The following ZNF217 variants were observed in gnomAD, a reference collection of about 807,000 sequenced individuals.
The protein encoded by ZNF217 is zinc finger protein 217.
ZNF217 carries 12 observed loss-of-function variants against 73.3 expected under a neutral mutation model. The ratio of observed to expected loss-of-function variants is 0.16; its 90% CI spans 0.10 to 0.27. The LOEUF (loss-of-function observed/expected upper bound fraction) is 0.27. Ranked by LOEUF, ZNF217 falls within the 10% of genes least tolerant of loss-of-function variation. The probability of loss-of-function intolerance (pLI) is 1.00; values close to 1 mark genes in which losing one functional copy is unlikely to be tolerated. For synonymous variants in ZNF217, 588 were observed against 516.4 expected (o/e 1.14, Z -1.88); for missense variants, 1,195 against 1,327.8 (o/e 0.90, Z 1.55).
intron 1 of ZNF217, among the ~76,000 whole-genome samples, chr20:53,592,950 C>T (rs1166356542): frequency 6.6e-6 from 1 of 151,960 alleles, no homozygotes; most frequent in East Asian, 1.9e-4. Context: ...TTTGGGTGTT[C>T]CACTAGAATT....
Position 53,582,220 on chromosome 20 carries a change from C to T in ZNF217, c.607G>A (p.Val203Ile), listed in dbSNP as rs1464223260. The change falls in exon 2 of 6, where the codon GTC (valine) becomes ATC (isoleucine). Residue 203 changes from valine to isoleucine, a missense_variant. Val to Ile is a conservative substitution (Grantham distance 29). Coordinates refer to ENST00000371471, the MANE Select transcript of ZNF217 (RefSeq NM_006526.3). This position sits in a 1 kb window ranked among gnomAD's most constrained non-coding sequence, Gnocchi z 4.8. Reference protein sequence around the residue: ...ESSPATINEVVQVHAAESISS... With the variant: ...ESSPATINEVIQVHAAESISS... ...ATGCTCTCGGCCGCGTGCACCTGGA[C>T]GACCTCGTTGATCGTTGCTGGACTA... 6 of 1,614,102 alleles carry T rather than the reference C, an allele frequency of 3.7e-6. No individual in the cohort carries two copies. Among genetic ancestry groups the T allele is most frequent in the Middle Eastern group, 1.6e-4 (1 of 6,062 alleles).
At chr20:53,595,046 C>CCAAAAAAAAAAAAAAAAAAAA (rs1568695730), upstream of ZNF217, among the ~76,000 whole-genome samples, 1 of 105,210 alleles carries the variant, frequency 9.5e-6, no homozygotes, top group Non-Finnish European at 1.9e-5. Flanking sequence ...AAAAAAGGGA[C>CCAAAAAAAAAAAAAAAAAAAA]AAAAAAAAAA....
chr20:53,580,022 G>A (rs1271615937), intron 2 of ZNF217, among the ~76,000 whole-genome samples: 4 of 152,242 alleles, frequency 2.6e-5, no homozygotes, highest in Non-Finnish European at 5.9e-5. Context: ...CAGGGCCCCT[G>A]CAACAGTACC....
chr20:53,590,195 C>T (rs1257936868), intron 1 of ZNF217, among the ~76,000 whole-genome samples: 1 of 152,178 alleles, frequency 6.6e-6, no homozygotes, highest in Non-Finnish European at 1.5e-5. Context: ...ATGCAACTGT[C>T]TCATGTTTTT....
Position 53,582,198 on chromosome 20 carries a change from C to G in ZNF217, c.629G>C (p.Ser210Thr). The G allele has an allele frequency of 1.9e-6, 3 of 1,614,060 alleles. No homozygotes were observed. Among genetic ancestry groups the G allele is most frequent in the Non-Finnish European group, 2.5e-6 (3 of 1,180,038 alleles). Residue 210 changes from serine (S) to threonine (T), a missense_variant, in exon 2 of 6, where the codon AGC becomes ACC. Physicochemically the swap from Ser to Thr is moderately conservative, Grantham distance 58. This residue lies in a region of ZNF217 where 126 missense variants were observed against 114.4 expected (regional missense o/e 1.10). Coordinates refer to ENST00000371471, the MANE Select transcript of ZNF217 (RefSeq NM_006526.3). The surrounding 1 kb of genome is among the most constrained non-coding windows in gnomAD (Gnocchi z 4.8). Reference sequence around the variant, plus strand: ...GCAGATTTTGTAAGGAGAGGAGATGCTCTCGGCCGCGTGCACCTGGACGAC... The same window carrying G: ...GCAGATTTTGTAAGGAGAGGAGATGGTCTCGGCCGCGTGCACCTGGACGAC... ...NEVVQVHAAE[S>T]ISSPYKICMV...
At position 53,580,741 on chromosome 20, in the gene ZNF217, C is replaced by T. The variant is rs569726121; in HGVS notation, c.1366+720G>A. Among the ~76,000 whole-genome samples the T allele has an allele frequency of 2.0e-5, 3 of 152,206 alleles. No individual in the cohort carries two copies. In the South Asian group the frequency reaches 6.2e-4, roughly 32 times the overall value. On this transcript the variant is annotated intron_variant, in intron 2 of 5. Coordinates refer to ENST00000371471, the MANE Select transcript of ZNF217 (RefSeq NM_006526.3). ...TATTTTATGACAAATCATTTGGGTT[C>T]CTGAGGTACCTATAAATGGATACTA...
chr20:53,590,717 T>C (rs984434097), intron 1 of ZNF217, among the ~76,000 whole-genome samples: 3 of 152,176 alleles, frequency 2.0e-5, no homozygotes, highest in African/African-American at 4.8e-5. Context: ...TACCCTGCTG[T>C]GGCAAAAACA....
rs760913691 is a variant in ZNF217, at chr20:53,576,930, C to T, written c.1834G>A (p.Asp612Asn). ...FHKNAADDSA[D>N]KVNKNPTPAY... ...GGGGTAGGGTTTTTATTCACTTTAT[C>T]AGCACTGTCATCAGCTGCATTTTTA... Residue 612 changes from aspartate to asparagine, a missense_variant, in exon 4 of 6, where the codon GAT becomes AAT. Physicochemically the swap from Asp to Asn is conservative, Grantham distance 23. Coordinates refer to ENST00000371471, the MANE Select transcript of ZNF217 (RefSeq NM_006526.3). 23 of 1,614,032 alleles carry T rather than the reference C, an allele frequency of 1.4e-5. 1 individual carries two copies. In the South Asian group the frequency reaches 2.4e-4, roughly 17 times the overall value.
intron 1 of ZNF217, among the ~76,000 whole-genome samples, chr20:53,586,978 C>T (rs761026932): frequency 5.9e-5 from 9 of 152,230 alleles, no homozygotes; most frequent in Non-Finnish European, 1.2e-4. Context: ...GCGTTATGAA[C>T]ACGCTAAGCT....
upstream of ZNF217, among the ~76,000 whole-genome samples, chr20:53,595,166 T>C (rs1188021865): frequency 6.6e-6 from 1 of 152,004 alleles, no homozygotes; most frequent in African/African-American, 2.4e-5. Flanking sequence ...AGATCCTGAT[T>C]CCTAAGGCCT....
intron 4 of ZNF217, chr20:53,574,410 G>C (rs897436652): frequency 6.6e-6 from 1 of 152,232 alleles, no homozygotes; most frequent in African/African-American, 2.4e-5. Context: ...TGCCCCGTGT[G>C]GGAAGCATGT....
intron 4 of ZNF217, chr20:53,575,300 C>T (rs955606224): frequency 1.3e-5 from 2 of 155,844 alleles, no homozygotes; most frequent in African/African-American, 4.8e-5. Flanking sequence ...TGGGCAACTC[C>T]ATCTCTACAA....
chr20:53,593,710 G>A (rs1988968280), intron 1 of ZNF217, 46 bp downstream of exon 1: 1 of 151,414 alleles, frequency 6.6e-6, no homozygotes, highest in African/African-American at 2.4e-5. Flanking sequence ...CCGCAGGACC[G>A]GGCGGGCGCC....
chr20:53,593,449 C>G (rs1019394328), intron 1 of ZNF217, among the ~76,000 whole-genome samples: 1 of 140,234 alleles, frequency 7.1e-6, no homozygotes, highest in Non-Finnish European at 1.6e-5. Flanking sequence ...CCCCCGCAGA[C>G]CCCCGCTCCC....
chr20:53,574,780 G>C (rs892979882), intron 4 of ZNF217: 52 of 125,040 alleles, frequency 4.2e-4, no homozygotes, highest in Middle Eastern at 5.0e-3. Flanking sequence ...GGCAACAAGA[G>C]CAAAACTCCG....
intron 2 of ZNF217, among the ~76,000 whole-genome samples, chr20:53,579,358 T>C (rs923372328): frequency 3.9e-5 from 6 of 152,152 alleles, no homozygotes; most frequent in African/African-American, 1.4e-4. Flanking sequence ...CCCTTGATGA[T>C]CTATATAGTG....
At chr20:53,594,875 TTTTAA>T (rs1989013495), upstream of ZNF217, among the ~76,000 whole-genome samples, 1 of 152,148 alleles carries the variant, frequency 6.6e-6, no homozygotes, top group African/African-American at 2.4e-5. Flanking sequence ...GATAAACAGT[TTTTAA>T]ATGAGTATCT....
chr20:53,582,770 A>G lies in ZNF217; in HGVS notation c.57T>C (p.Asp19=). The change falls in exon 2 of 6, where the codon GAT becomes GAC. Residue 19 remains aspartate, a synonymous_variant. Coordinates refer to ENST00000371471, the MANE Select transcript of ZNF217 (RefSeq NM_006526.3). This position sits in a 1 kb window ranked among gnomAD's most constrained non-coding sequence, Gnocchi z 4.8. ...MPTQSLLMYM[D]GPEVIGSSLG... ...GAGAGCTGCCAATCACTTCTGGCCCATCCATGTACATTAAGAGGGATTGAG... is the reference window on the plus strand; with the variant it reads ...GAGAGCTGCCAATCACTTCTGGCCCGTCCATGTACATTAAGAGGGATTGAG... The G allele has an allele frequency of 6.2e-7, 1 of 1,613,798 alleles. No individual in the cohort carries two copies. The highest frequency in any genetic ancestry group is 1.7e-5 in the Admixed American group (1 of 59,976).
chr20:53,578,864 T>C (rs934937111), intron 2 of ZNF217, among the ~76,000 whole-genome samples: 2 of 152,032 alleles, frequency 1.3e-5, no homozygotes, highest in Non-Finnish European at 2.9e-5. Context: ...TTTAGAAAAA[T>C]GAGCCAATTA....
Sources: allele counts gnomAD v4.1 joint callset (sites outside exome capture counted in the v4.1 genomes callset), GRCh38; gene constraint gnomAD v4.1.1; regional missense constraint gnomAD v4.1.1; non-coding constraint Gnocchi (gnomAD v3.1); transcripts MANE v1.5; gene names NCBI Gene and HGNC (gene_info 2026-07-23, HGNC 2026-07-21).